Variants in PTK2 observed in about 807,000 individuals in gnomAD.
The protein encoded by PTK2 is focal adhesion kinase 1.
Under a neutral mutation model 150.1 loss-of-function variants are expected in PTK2, and 45 were observed. The observed-to-expected ratio is 0.30, with a 90% confidence interval of 0.24 to 0.38. The LOEUF (loss-of-function observed/expected upper bound fraction) is 0.38. Ranked by LOEUF, PTK2 falls within the 10% of genes least tolerant of loss-of-function variation. The pLI is 1.00. For missense variants in PTK2, 919 were observed against 1,307.3 expected (o/e 0.70, Z 4.58); for synonymous variants, 432 against 449.2 (o/e 0.96, Z 0.48).
chr8:140,658,642 G>A (rs1262930646), exon 32 of PTK2: 1 of 208,446 alleles, frequency 4.8e-6, no homozygotes, highest in Non-Finnish European at 9.8e-6. Flanking sequence ...TAGTCAACAT[G>A]GCTTTAATCT....
chr8:140,823,619 C>T (rs2100110164), intron 8 of PTK2, among the ~76,000 whole-genome samples: 1 of 152,112 alleles, frequency 6.6e-6, no homozygotes, highest in African/African-American at 2.4e-5. Flanking sequence ...CTAACATATA[C>T]ATCTAACTTG....
intron 1 of PTK2, among the ~76,000 whole-genome samples, chr8:140,944,345 C>T (rs2100176913): frequency 6.6e-6 from 1 of 152,234 alleles, no homozygotes; most frequent in South Asian, 2.1e-4. Flanking sequence ...GAAAGGGTCA[C>T]TGGCAATTCA....
chr8:140,722,608 T>G (rs927397874), intron 22 of PTK2, among the ~76,000 whole-genome samples: 2 of 152,104 alleles, frequency 1.3e-5, no homozygotes, highest in Admixed American at 6.6e-5. Context: ...GACCTGCGAA[T>G]GGTCACTGGG....
intron 1 of PTK2, among the ~76,000 whole-genome samples, chr8:140,937,694 T>G (rs2100174162): frequency 6.6e-6 from 1 of 152,164 alleles, no homozygotes; most frequent in Non-Finnish European, 1.5e-5. Flanking sequence ...AACTGCATAT[T>G]CCTAGTCCCA....
chr8:140,911,785 A>C (rs1181296695), intron 2 of PTK2, among the ~76,000 whole-genome samples: 1 of 152,186 alleles, frequency 6.6e-6, no homozygotes, highest in African/African-American at 2.4e-5. Context: ...ATAAACGTAA[A>C]AAGGGAACAT....
intron 5 of PTK2, among the ~76,000 whole-genome samples, chr8:140,854,409 G>A (rs1301148124): frequency 1.3e-5 from 2 of 152,144 alleles, no homozygotes; most frequent in Non-Finnish European, 2.9e-5. Context: ...TTTGCAAAAA[G>A]TTGCCAATGA....
intron 1 of PTK2, among the ~76,000 whole-genome samples, chr8:140,931,911 C>T (rs1439733539): frequency 8.2e-5 from 10 of 122,460 alleles, no homozygotes; most frequent in Admixed American, 1.1e-4. Flanking sequence ...CCAGCCTGGG[C>T]GACAGAGACC....
chr8:140,662,393 C>T (rs1029400682), intron 31 of PTK2, among the ~76,000 whole-genome samples: 1 of 152,110 alleles, frequency 6.6e-6, no homozygotes, highest in Admixed American at 6.6e-5. Flanking sequence ...TAGACTTTAT[C>T]AACTAGAGTA....
intron 1 of PTK2, among the ~76,000 whole-genome samples, chr8:140,964,190 TCTACC>T (rs2100184391): frequency 6.6e-6 from 1 of 152,128 alleles, no homozygotes; most frequent in Admixed American, 6.5e-5. Context: ...CATGAATGTT[TCTACC>T]ACAGGATTTA....
chr8:140,839,794 C>T (rs1480592497), intron 7 of PTK2, among the ~76,000 whole-genome samples: 2 of 152,044 alleles, frequency 1.3e-5, no homozygotes, highest in Admixed American at 6.5e-5. Context: ...CATATATTTT[C>T]CAGATGAAAA....
intron 8 of PTK2, among the ~76,000 whole-genome samples, chr8:140,827,861 A>T (rs1684850984): frequency 6.6e-6 from 1 of 152,166 alleles, no homozygotes; most frequent in Non-Finnish European, 1.5e-5. Flanking sequence ...CAAACAAGTA[A>T]CAAACTACAT....
chr8:140,827,316 G>C (rs1262043389), intron 8 of PTK2, among the ~76,000 whole-genome samples: 1 of 151,946 alleles, frequency 6.6e-6, no homozygotes, highest in Non-Finnish European at 1.5e-5. Context: ...AGGGCTCGCT[G>C]TTTCTAGGGT....
chr8:140,911,949 T>C (rs28567871), intron 2 of PTK2, among the ~76,000 whole-genome samples: 3,376 of 152,236 alleles, frequency 0.022, 136 homozygotes, highest in African/African-American at 0.078. Flanking sequence ...CAAAATAGAA[T>C]AGGCCAGGCG....
chr8:140,787,825 T>C (rs1199307460), intron 14 of PTK2, among the ~76,000 whole-genome samples: 4 of 152,152 alleles, frequency 2.6e-5, no homozygotes, highest in African/African-American at 9.7e-5. Context: ...AAAGCTGCTT[T>C]ACAGTTTGGC....
At chr8:141,001,613 A>T (rs2100200278), upstream of PTK2, among the ~76,000 whole-genome samples, 1 of 151,976 alleles carries the variant, frequency 6.6e-6, no homozygotes, top group Non-Finnish European at 1.5e-5. Flanking sequence ...CGCCAGCGGG[A>T]TTAGACGGAC....
At chr8:140,820,794 G>A (rs1356153642) in intron 8 of PTK2, 1 of 152,278 alleles carries the variant, frequency 6.6e-6, no homozygotes, top group Non-Finnish European at 1.5e-5. Flanking sequence ...GGGCCCAGTG[G>A]AGTTCAAGGG....
chr8:140,848,747 C>T (rs891212510), intron 5 of PTK2, among the ~76,000 whole-genome samples: 2 of 151,976 alleles, frequency 1.3e-5, no homozygotes, highest in African/African-American at 4.8e-5. Context: ...TATTATCGAG[C>T]ACAAAAATAA....
chr8:140,996,009 C>T (rs1005359112), intron 1 of PTK2, among the ~76,000 whole-genome samples: 3 of 152,036 alleles, frequency 2.0e-5, no homozygotes, highest in Admixed American at 6.6e-5. Flanking sequence ...CACTTCAACC[C>T]GTGAGGCGGA....
intron 7 of PTK2, among the ~76,000 whole-genome samples, chr8:140,833,861 TCA>T (rs1289357300): frequency 6.6e-6 from 1 of 152,130 alleles, no homozygotes; most frequent in Non-Finnish European, 1.5e-5. Context: ...AACCCAAGCA[TCA>T]GTTTATTAGA....
Sources: gnomAD v4.1 joint callset for allele counts (sites outside exome capture counted in the v4.1 genomes callset) on GRCh38, gnomAD v4.1.1 for gene constraint, MANE v1.5 for transcripts, NCBI Gene and HGNC (gene_info 2026-07-23, HGNC 2026-07-21) for gene names.